Variants in PTPRK observed in about 807,000 individuals in gnomAD.
PTPRK encodes receptor-type tyrosine-protein phosphatase kappa.
PTPRK carries 75 observed loss-of-function variants against 178.0 expected under a neutral mutation model. That is an observed-to-expected ratio of 0.42 (90% CI 0.35 to 0.51). The LOEUF (loss-of-function observed/expected upper bound fraction) is 0.51, where lower values mean the gene tolerates loss of function less well. PTPRK is among the 20% of genes least tolerant of loss of function. The probability of loss-of-function intolerance (pLI) is 0.02; values close to 1 mark genes in which losing one functional copy is unlikely to be tolerated. For synonymous variants in PTPRK, 637 were observed against 620.6 expected, an observed-to-expected ratio of 1.03 and a Z score of -0.39; for missense variants, 1,441 against 1,797.8, an observed-to-expected ratio of 0.80 and a Z score of 3.59.
chr6:128,409,764 A>T (rs1485972883), intron 1 of PTPRK, among the ~76,000 whole-genome samples: 4 of 152,134 alleles, frequency 2.6e-5, no homozygotes, highest in Non-Finnish European at 4.4e-5. Context: ...TGTTATTAAA[A>T]GGGGGCGTTT....
intron 6 of PTPRK, among the ~76,000 whole-genome samples, chr6:128,212,098 G>C (rs1025438952): frequency 6.6e-6 from 1 of 151,834 alleles, no homozygotes; most frequent in African/African-American, 2.4e-5. Context: ...TTTTTTATTT[G>C]TTAGGAAACA....
chr6:128,093,592 C>CCA (rs1787367894), intron 7 of PTPRK, among the ~76,000 whole-genome samples: 1 of 61,486 alleles, frequency 1.6e-5, no homozygotes, highest in Non-Finnish European at 2.7e-5. Flanking sequence ...AAGAGACTCT[C>CCA]TCTCAAAAAA....
chr6:128,515,180 T>A (rs1219839347), intron 1 of PTPRK, among the ~76,000 whole-genome samples: 1 of 152,138 alleles, frequency 6.6e-6, no homozygotes, highest in African/African-American at 2.4e-5. Context: ...AAATTGTCTA[T>A]CCCCATTTAT....
At position 128,259,686 on chromosome 6, in the gene PTPRK, T is replaced by C. The variant is rs562297335; in HGVS notation, c.496-17084A>G. 3.2e-4 allele frequency among the ~76,000 whole-genome samples: 48 copies of C among 152,306 alleles called. 1 individual carries two copies. The highest frequency in any genetic ancestry group is 2.8e-3 in the Admixed American group (43 of 15,286). ...AAAAATTTCAAGTATGTTTTAGAAG[T>C]ATAATTCAGTGTGTGTTCAATTTTC... On this transcript the variant is annotated intron_variant, in intron 3 of 29. Transcript: ENST00000368226.
chr6:128,068,298 G>C (rs1160765038), intron 11 of PTPRK, among the ~76,000 whole-genome samples: 1 of 151,750 alleles, frequency 6.6e-6, no homozygotes, highest in African/African-American at 2.4e-5. Flanking sequence ...TCCACCTCTT[G>C]ACCTTGCCAT....
chr6:128,380,558 G>A (rs1317046550), intron 2 of PTPRK, among the ~76,000 whole-genome samples: 1 of 150,494 alleles, frequency 6.6e-6, no homozygotes, highest in Non-Finnish European at 1.5e-5. Flanking sequence ...ACACACGTGT[G>A]TGTGTGTGTG....
At chr6:128,330,839 C>CT (rs965130062) in intron 2 of PTPRK, among the ~76,000 whole-genome samples, 6 of 145,916 alleles carry the variant, frequency 4.1e-5, no homozygotes, top group African/African-American at 1.5e-4. Flanking sequence ...ATACAATGGG[C>CT]TTTTTTTCTG....
At chr6:128,036,657 C>G (rs772094668) in intron 13 of PTPRK, among the ~76,000 whole-genome samples, 4 of 151,118 alleles carry the variant, frequency 2.6e-5, no homozygotes, top group Non-Finnish European at 5.9e-5. Flanking sequence ...AAAATAGATA[C>G]ATCAAAAATT....
At chr6:127,995,179 AGTAATAACT>A in intron 18 of PTPRK, 1 of 1,394,164 alleles carries the variant, frequency 7.2e-7, no homozygotes, top group Non-Finnish European at 1.0e-6. Context: ...ACAGAGCGTT[AGTAATAACT>A]GTAATTAAGA....
intron 3 of PTPRK, among the ~76,000 whole-genome samples, chr6:128,303,373 G>C (rs1364239641): frequency 1.3e-5 from 2 of 152,182 alleles, no homozygotes; most frequent in Non-Finnish European, 2.9e-5. Context: ...GCATTAAGGA[G>C]CTGAGGTCTT....
chr6:128,101,668 C>T lies in PTPRK; in HGVS notation c.1163-11676G>A, dbSNP rs1057340628. Among the ~76,000 whole-genome samples the T allele has an allele frequency of 2.0e-5, 3 of 152,030 alleles. No individual in the cohort carries two copies. In the East Asian group the frequency reaches 5.8e-4, roughly 29 times the overall value. ...ATTGTTAGAGATTTCCTAGGATGAACAAAATACAGTAAAATGCCTTTGCCC... is the reference window on the plus strand; with the variant it reads ...ATTGTTAGAGATTTCCTAGGATGAATAAAATACAGTAAAATGCCTTTGCCC... On this transcript the variant is annotated intron_variant, in intron 7 of 29. Transcript: ENST00000368226.
intron 2 of PTPRK, among the ~76,000 whole-genome samples, chr6:128,394,564 A>G (rs771688246): frequency 1.3e-5 from 2 of 152,164 alleles, no homozygotes; most frequent in African/African-American, 2.4e-5. Flanking sequence ...GACTGAGTTA[A>G]GTAGGTGTTC....
At chr6:128,013,178 A>G (rs568403583) in intron 13 of PTPRK, among the ~76,000 whole-genome samples, 1 of 151,308 alleles carries the variant, frequency 6.6e-6, no homozygotes, top group South Asian at 2.1e-4. Flanking sequence ...GAACTTGGGT[A>G]CCTCCTAGTT....
At chr6:128,133,868 A>G (rs34246916) in intron 7 of PTPRK, among the ~76,000 whole-genome samples, 2 of 152,152 alleles carry the variant, frequency 1.3e-5, no homozygotes, top group Non-Finnish European at 2.9e-5. Context: ...AAGATTTTAA[A>G]CAACAAGAAA....
intron 1 of PTPRK, among the ~76,000 whole-genome samples, chr6:128,476,194 T>A (rs1682301966): frequency 6.6e-6 from 1 of 152,016 alleles, no homozygotes; most frequent in Non-Finnish European, 1.5e-5. Flanking sequence ...ATCAAGAGCC[T>A]ATGTCCATCA....
At chr6:128,490,364 G>C (rs1260690891) in intron 1 of PTPRK, among the ~76,000 whole-genome samples, 5 of 152,198 alleles carry the variant, frequency 3.3e-5, no homozygotes, top group South Asian at 4.1e-4. Context: ...ACCATGACGA[G>C]AGTAAAGGAT....
chr6:128,032,784 C>T (rs776717841), intron 13 of PTPRK, among the ~76,000 whole-genome samples: 3 of 152,098 alleles, frequency 2.0e-5, no homozygotes, highest in Admixed American at 1.3e-4. Context: ...GTCACAGACA[C>T]AGACATGGTT....
intron 25 of PTPRK, among the ~76,000 whole-genome samples, chr6:127,980,746 T>C (rs2114628212): frequency 6.6e-6 from 1 of 152,304 alleles, no homozygotes; most frequent in African/African-American, 2.4e-5. Context: ...CAAATTAACA[T>C]GATTTTTGTA....
At chr6:128,253,875 C>A (rs1175230223) in intron 3 of PTPRK, among the ~76,000 whole-genome samples, 1 of 152,020 alleles carries the variant, frequency 6.6e-6, no homozygotes, top group Non-Finnish European at 1.5e-5. Context: ...AGAAAAGCAA[C>A]CTTTAAGTAA....
Sources: allele counts gnomAD v4.1 joint callset (sites outside exome capture counted in the v4.1 genomes callset), GRCh38; gene constraint gnomAD v4.1.1; transcripts MANE v1.5; gene names NCBI Gene and HGNC (gene_info 2026-07-23, HGNC 2026-07-21).